GPM6B: variants seen among roughly 807,000 people sequenced by gnomAD.
GPM6B encodes neuronal membrane glycoprotein M6-b.
A neutral mutation model predicts 27.2 loss-of-function variants in GPM6B; 4 were observed. The ratio of observed to expected loss-of-function variants is 0.15; its 90% CI spans 0.07 to 0.34. The LOEUF is 0.34. Ranked by LOEUF, GPM6B falls within the 10% of genes least tolerant of loss-of-function variation. The pLI, the probability that GPM6B is intolerant of heterozygous loss-of-function variation, is 1.00. For missense variants in GPM6B, 183 were observed against 261.9 expected (o/e 0.70, Z 2.08); for synonymous variants, 124 against 103.1 (o/e 1.20, Z -1.23).
chrX:13,831,723 G>A (rs1280467017), intron 1 of GPM6B, among the ~76,000 whole-genome samples: 1 of 111,742 alleles, frequency 8.9e-6, no homozygotes, highest in Non-Finnish European at 1.9e-5. Flanking sequence ...GTTTTTCTCA[G>A]CCTTGATCTT....
chrX:13,858,385 G>A (rs916819049), intron 1 of GPM6B, among the ~76,000 whole-genome samples: 1 of 111,528 alleles, frequency 9.0e-6, no homozygotes, highest in African/African-American at 3.3e-5. Context: ...GGGTGGGTAG[G>A]AAGTTGGGGG....
chrX:13,849,013 A>G (rs5979983), intron 1 of GPM6B, among the ~76,000 whole-genome samples: 27,178 of 111,580 alleles, frequency 0.24, 2,522 homozygotes, highest in South Asian at 0.44. Context: ...AGTAGAGATG[A>G]AAACTTGATG....
chrX:13,927,205 A>T (rs1161261900), intron 1 of GPM6B, among the ~76,000 whole-genome samples: 1 of 111,884 alleles, frequency 8.9e-6, no homozygotes, highest in Non-Finnish European at 1.9e-5. Flanking sequence ...CACCTATCAG[A>T]TATTTGAAAA....
At chrX:13,858,799 T>G (rs979613383) in intron 1 of GPM6B, among the ~76,000 whole-genome samples, 2 of 111,832 alleles carry the variant, frequency 1.8e-5, no homozygotes, top group Admixed American at 9.6e-5. Flanking sequence ...GCGACACATA[T>G]CCTCAATTCT....
chrX:13,925,490 CTT>C (rs57186854), intron 1 of GPM6B, among the ~76,000 whole-genome samples: 4 of 79,866 alleles, frequency 5.0e-5, no homozygotes, highest in East Asian at 7.4e-4. Context: ...CCATGTCTGG[CTT>C]TTTTTTTTTT....
At chrX:13,907,749 G>A (rs1042042380) in intron 1 of GPM6B, among the ~76,000 whole-genome samples, 3 of 112,346 alleles carry the variant, frequency 2.7e-5, no homozygotes, top group East Asian at 2.8e-4. Context: ...ATTGCACTTC[G>A]TTCTTAAAAT....
chrX:13,866,936 C>G (rs952239267), intron 1 of GPM6B, among the ~76,000 whole-genome samples: 1 of 111,753 alleles, frequency 8.9e-6, no homozygotes, highest in Non-Finnish European at 1.9e-5. Flanking sequence ...ATTGGTGAAT[C>G]TGATATACAT....
Position 13,852,742 on chromosome X carries a change from A to G in GPM6B, c.-197-66934T>C, listed in dbSNP as rs190836189. Among the ~76,000 whole-genome samples, 716 of 108,092 alleles carry G rather than the reference A, an allele frequency of 6.6e-3. 1 individual carries two copies. The highest frequency in any genetic ancestry group is 0.012 in the Non-Finnish European group (605 of 52,253). The allele number at this position is 108,092 out of a possible 115,157, so 93.9% of individuals were successfully genotyped here. ...TAGTTTCTGGTCTTTTGCTATTACA[A>G]ATAAAGGCTGGGGGAAGAGTACAAC... is the stretch of plus-strand genomic sequence containing the variant. On this transcript the variant is annotated intron_variant, in intron 1 of 6. Transcript: ENST00000398361.
chrX:13,796,404 G>C (rs929690060), intron 2 of GPM6B, among the ~76,000 whole-genome samples: 3 of 112,181 alleles, frequency 2.7e-5, no homozygotes, highest in Non-Finnish European at 5.6e-5. Context: ...AATATTTATA[G>C]GCACAACTCA....
intron 1 of GPM6B, among the ~76,000 whole-genome samples, chrX:13,864,556 C>T: frequency 8.9e-6 from 1 of 112,567 alleles, no homozygotes; most frequent in Non-Finnish European, 1.9e-5. Context: ...GATTAGATTC[C>T]AGGGTTGGAG....
chrX:13,772,808 C>G lies in GPM6B; in HGVS notation c.*73G>C. 2 of 1,011,456 alleles carry G rather than the reference C, an allele frequency of 2.0e-6. No homozygotes were observed. The highest frequency in any genetic ancestry group is 4.3e-5 in the South Asian group (2 of 46,575). 83.4% of individuals were successfully genotyped at this position (1,011,456 alleles called of 1,213,427 possible). ...TACATTAGTTTGGTGGGATACACATCTGTACTGCAGAGCAGCTGTCTGATG... is the reference window on the plus strand; with the variant it reads ...TACATTAGTTTGGTGGGATACACATGTGTACTGCAGAGCAGCTGTCTGATG... On this transcript the variant is annotated 3_prime_UTR_variant, in exon 8 of 8. Transcript: ENST00000316715.
rs768279145 is a variant in GPM6B at position 13,783,529 on chromosome X, GAGA to G, written c.369-11_369-9del. ...TACTGCATCAGTTGTATCCTACAAA[GAGA>G]AGAAGAGATCCTGAACCATTAAATT... is the stretch of plus-strand genomic sequence containing the variant. On this transcript the variant is annotated splice_polypyrimidine_tract_variant and intron_variant, in intron 3 of 7. Transcript: ENST00000316715. 1.4e-5 allele frequency: 17 copies of G among 1,180,312 alleles called. No homozygotes were observed. The highest frequency in any genetic ancestry group is 2.4e-4 in the Middle Eastern group (1 of 4,235).
intron 1 of GPM6B, among the ~76,000 whole-genome samples, chrX:13,859,601 G>T (rs750205371): frequency 9.1e-6 from 1 of 109,686 alleles, no homozygotes; most frequent in African/African-American, 3.3e-5. Context: ...GATTATATAT[G>T]CAATAGAACT....
intron 1 of GPM6B, among the ~76,000 whole-genome samples, chrX:13,809,169 G>T (rs1165306855): frequency 9.0e-6 from 1 of 111,638 alleles, no homozygotes. Context: ...ACAACCCAAG[G>T]GCAAGGAGAA....
rs1173680918 is a variant in GPM6B, at chrX:13,827,271, C to CTT, written c.-197-41465_-197-41464dup. On this transcript the variant is annotated intron_variant, in intron 1 of 6. Transcript: ENST00000398361. ...GCCTCCTTGGTGAACTACCGACTTC[C>CTT]TTTTTTTTTTTTTTTTTTTTTTTCT... 1.6e-3 allele frequency among the ~76,000 whole-genome samples: 117 copies of CTT among 73,634 alleles called. 1 individual carries two copies. Among genetic ancestry groups the CTT allele is most frequent in the African/African-American group, 5.6e-3 (97 of 17,394 alleles). 63.9% of individuals were successfully genotyped at this position (73,634 alleles called of 115,157 possible).
intron 1 of GPM6B, among the ~76,000 whole-genome samples, chrX:13,888,496 G>A (rs928461340): frequency 3.6e-5 from 4 of 111,888 alleles, no homozygotes; most frequent in African/African-American, 1.3e-4. Flanking sequence ...TTTGTTCAGC[G>A]GCTCTGTGCA....
intron 1 of GPM6B, chrX:13,889,088 C>T (rs1402242775): frequency 3.6e-5 from 4 of 111,610 alleles, no homozygotes; most frequent in African/African-American, 1.3e-4. Context: ...TACTGATGCC[C>T]AACCCCACCG....
chrX:13,855,549 C>T (rs1173306901), intron 1 of GPM6B, among the ~76,000 whole-genome samples: 2 of 112,104 alleles, frequency 1.8e-5, no homozygotes, highest in African/African-American at 6.5e-5. Context: ...ACATTTGGAT[C>T]ATTTCCAGTG....
chrX:13,905,484 G>A (rs961600651), intron 1 of GPM6B, among the ~76,000 whole-genome samples: 4 of 110,667 alleles, frequency 3.6e-5, no homozygotes, highest in African/African-American at 9.9e-5. Flanking sequence ...TGCCAAACTC[G>A]CCCGTGGTGC....
Sources: gnomAD v4.1 joint callset for allele counts (sites outside exome capture counted in the v4.1 genomes callset) on GRCh38, gnomAD v4.1.1 for gene constraint, MANE v1.5 for transcripts, NCBI Gene and HGNC (gene_info 2026-07-23, HGNC 2026-07-21) for gene names.